The following SAMD12 variants were observed in gnomAD, a reference collection of about 807,000 sequenced individuals.
The protein encoded by SAMD12 is sterile alpha motif domain-containing protein 12.
Under a neutral mutation model 15.0 loss-of-function variants are expected in SAMD12, and 9 were observed. The ratio of observed to expected loss-of-function variants is 0.60; its 90% CI spans 0.36 to 1.05. The LOEUF (loss-of-function observed/expected upper bound fraction) is 1.05. Among genes scored for constraint, SAMD12 ranks in the 50% least tolerant of loss-of-function variants. The probability of loss-of-function intolerance (pLI) is 0.01; values close to 1 mark genes in which losing one functional copy is unlikely to be tolerated. For missense variants in SAMD12, 230 were observed against 234.2 expected (o/e 0.98, Z 0.12); for synonymous variants, 86 against 90.1 (o/e 0.96, Z 0.25).
At chr8:118,508,615 T>G (rs1824990358) in intron 2 of SAMD12, among the ~76,000 whole-genome samples, 1 of 152,228 alleles carries the variant, frequency 6.6e-6, no homozygotes, top group Non-Finnish European at 1.5e-5. Flanking sequence ...CTTGCATAAC[T>G]GCTGCTTCTT....
intron 4 of SAMD12, among the ~76,000 whole-genome samples, chr8:118,229,207 C>T (rs970349033): frequency 4.0e-5 from 6 of 151,768 alleles, no homozygotes; most frequent in Non-Finnish European, 7.4e-5. Flanking sequence ...GTGATGGGTG[C>T]GCCAAAATCA....
intron 4 of SAMD12, chr8:118,282,205 G>T: frequency 2.3e-6 from 1 of 437,928 alleles, no homozygotes; most frequent in Admixed American, 2.6e-5. Context: ...CTTCAGAGGG[G>T]AAATCTGGGT....
intron 2 of SAMD12, among the ~76,000 whole-genome samples, chr8:118,557,299 G>A (rs1040807602): frequency 5.9e-5 from 9 of 152,226 alleles, no homozygotes; most frequent in Admixed American, 3.3e-4. Context: ...CCTCTTCCCC[G>A]CCTATCATGA....
At chr8:118,496,586 G>T (rs1254569719) in intron 2 of SAMD12, among the ~76,000 whole-genome samples, 2 of 151,948 alleles carry the variant, frequency 1.3e-5, no homozygotes, top group East Asian at 3.9e-4. Context: ...TAGAGTAAAA[G>T]CATAAATATA....
At chr8:118,539,547 T>A (rs985175148) in intron 2 of SAMD12, among the ~76,000 whole-genome samples, 1 of 152,170 alleles carries the variant, frequency 6.6e-6, no homozygotes, top group Non-Finnish European at 1.5e-5. Flanking sequence ...TTCTTCCTAG[T>A]CTGAAATTAA....
exon 5 of SAMD12, chr8:118,191,692 C>T (rs1395363693): frequency 3.5e-5 from 5 of 143,102 alleles, no homozygotes; most frequent in African/African-American, 1.3e-4. Context: ...ATAGAGCCAG[C>T]AGGCAGTTCC....
chr8:118,409,296 A>G (rs564923830), intron 3 of SAMD12, among the ~76,000 whole-genome samples: 4 of 152,200 alleles, frequency 2.6e-5, no homozygotes, highest in African/African-American at 9.6e-5. Context: ...TTTGAGAACA[A>G]CTGTGTTTCT....
In SAMD12 at chr8:118,452,970, C is replaced by T. The variant is rs187683302; in HGVS notation, c.193-13009G>A. Among the ~76,000 whole-genome samples the T allele has an allele frequency of 7.9e-5, 12 of 152,310 alleles. No homozygotes were observed. In the East Asian group the frequency reaches 1.3e-3, roughly 17 times the overall value. On this transcript the variant is annotated intron_variant, in intron 2 of 3. Coordinates refer to ENST00000314727, the MANE Select transcript of SAMD12 (RefSeq NM_207506.3). ...GAGAATGATCAAGAATTAGCAGACA[C>T]ATGCTAGCTTCCTCCTCTTGTCTCT...
chr8:118,226,744 G>A (rs967137140), intron 4 of SAMD12, among the ~76,000 whole-genome samples: 15 of 152,184 alleles, frequency 9.9e-5, no homozygotes, highest in Admixed American at 9.2e-4. Context: ...ACTGAGATAG[G>A]AGCAAAGTTC....
chr8:118,558,643 C>A (rs944200957), intron 2 of SAMD12, among the ~76,000 whole-genome samples: 1 of 152,114 alleles, frequency 6.6e-6, no homozygotes, highest in African/African-American at 2.4e-5. Flanking sequence ...ACGGCAAGCT[C>A]CACCTCCCAG....
chr8:118,268,776 T>G (rs965419598), intron 4 of SAMD12, among the ~76,000 whole-genome samples: 4 of 152,200 alleles, frequency 2.6e-5, no homozygotes, highest in African/African-American at 9.6e-5. Flanking sequence ...ATCGTGCCAC[T>G]GCACTCCAGC....
At chr8:118,455,268 CCTCT>C (rs57371997) in intron 2 of SAMD12, among the ~76,000 whole-genome samples, 1,571 of 148,666 alleles carry the variant, frequency 0.011, 18 homozygotes, top group Middle Eastern at 0.028. Flanking sequence ...GGCTTTCACA[CCTCT>C]CTCTCTCTCT....
chr8:118,209,479 A>C (rs879450480), intron 4 of SAMD12, among the ~76,000 whole-genome samples: 4 of 152,224 alleles, frequency 2.6e-5, no homozygotes, highest in Non-Finnish European at 4.4e-5. Flanking sequence ...GCCTCAAAGC[A>C]CGTTGCTATA....
intron 4 of SAMD12, among the ~76,000 whole-genome samples, chr8:118,300,021 T>C (rs796994755): frequency 6.6e-5 from 10 of 150,788 alleles, no homozygotes; most frequent in African/African-American, 1.2e-4. Flanking sequence ...CTTATTCCTT[T>C]TTTTTCTTTA....
intron 4 of SAMD12, among the ~76,000 whole-genome samples, chr8:118,351,469 A>T (rs1296126188): frequency 6.6e-6 from 1 of 152,110 alleles, no homozygotes; most frequent in Non-Finnish European, 1.5e-5. Flanking sequence ...TACAGTAGGG[A>T]GTGGCAGAAC....
chr8:118,172,306 A>G, the SAMD12 span, among the ~76,000 whole-genome samples: 2 of 152,232 alleles, frequency 1.3e-5, no homozygotes, highest in Admixed American at 6.5e-5. Flanking sequence ...TTTAATTTCA[A>G]TATGGTTGTT....
chr8:118,603,058 C>T (rs569585841), intron 1 of SAMD12, among the ~76,000 whole-genome samples: 188 of 151,678 alleles, frequency 1.2e-3, no homozygotes, highest in African/African-American at 4.1e-3. Flanking sequence ...ATTGTAAATG[C>T]CAGAGAAACA....
At chr8:118,212,567 G>A (rs1811861672) in intron 4 of SAMD12, among the ~76,000 whole-genome samples, 1 of 152,188 alleles carries the variant, frequency 6.6e-6, no homozygotes, top group African/African-American at 2.4e-5. Context: ...ATTTGAGGTA[G>A]TGCAAAGCTC....
At chr8:118,419,707 T>C (rs1821906184) in intron 3 of SAMD12, among the ~76,000 whole-genome samples, 1 of 152,192 alleles carries the variant, frequency 6.6e-6, no homozygotes, top group Admixed American at 6.5e-5. Flanking sequence ...GAACTGATCA[T>C]CACTGTGAAT....
Sources: gnomAD v4.1 joint callset for allele counts (sites outside exome capture counted in the v4.1 genomes callset) on GRCh38, gnomAD v4.1.1 for gene constraint, MANE v1.5 for transcripts, NCBI Gene and HGNC (gene_info 2026-07-23, HGNC 2026-07-21) for gene names.